The following ODF4 variants were observed in gnomAD, a reference collection of about 807,000 sequenced individuals.
The protein encoded by ODF4 is outer dense fiber of sperm tails 4, also known as outer dense fiber protein 4.
ODF4 carries 11 observed loss-of-function variants against 17.0 expected under a neutral mutation model. The observed-to-expected ratio is 0.65, with a 90% CI of 0.41 to 1.07. ODF4 has a LOEUF of 1.07. Ranked by LOEUF, ODF4 falls within the 50% of genes least tolerant of loss-of-function variation. ODF4 has a pLI of 0.00. For synonymous variants in ODF4, 127 were observed against 121.8 expected, an observed-to-expected ratio of 1.04 and a Z score of -0.28; for missense variants, 281 against 310.2, an observed-to-expected ratio of 0.91 and a Z score of 0.71.
Position 8,345,896 on chromosome 17 carries a change from C to A in ODF4, c.*44C>A. 1 of 1,514,912 alleles carries A rather than the reference C, an allele frequency of 6.6e-7. No homozygotes were observed. Among genetic ancestry groups the A allele is most frequent in the South Asian group, 1.1e-5 (1 of 87,906 alleles). 93.8% of individuals were successfully genotyped at this position (1,514,912 alleles called of 1,614,324 possible). A position where few individuals can be genotyped will look rare whatever the true frequency, so the allele number is the denominator to read the frequency against. On this transcript the variant is annotated 3_prime_UTR_variant, in exon 3 of 3. Transcript: ENST00000328248. The surrounding 1 kb of genome is among the most constrained non-coding windows in gnomAD (Gnocchi z 4.1). Reference sequence around the variant, plus strand: ...CACCAAGTTCTGTCCATTCATCTGACCCCATCTCCTCATCCTCCCCCAGCC... The same window carrying A: ...CACCAAGTTCTGTCCATTCATCTGAACCCATCTCCTCATCCTCCCCCAGCC...
chr17:8,345,071 G>GTTCCTTTTGT lies in ODF4; in HGVS notation c.455-270_455-269insCCTTTTGTTT, dbSNP rs915144642. Reference sequence around the variant, plus strand: ...CCTCCTAGCTCTGGAAAGGTCCTTTGTTTTCCTAACCCCCATCTTCCTGGG... The same window carrying GTTCCTTTTGT: ...CCTCCTAGCTCTGGAAAGGTCCTTTGTTCCTTTTGTTTTTCCTAACCCCCATCTTCCTGGG... On this transcript the variant is annotated intron_variant, in intron 1 of 2. Coordinates refer to ENST00000328248, the MANE Select transcript of ODF4 (RefSeq NM_153007.5). This position sits in a 1 kb window ranked among gnomAD's most constrained non-coding sequence, Gnocchi z 4.1. 4.8e-6 allele frequency: 5 copies of GTTCCTTTTGT among 1,044,896 alleles called. No homozygotes were observed. Among genetic ancestry groups the GTTCCTTTTGT allele is most frequent in the Non-Finnish European group, 6.1e-6 (5 of 817,350 alleles). The allele number at this position is 1,044,896 out of a possible 1,614,324, so 64.7% of individuals were successfully genotyped here.
chr17:8,345,196 T>C lies in ODF4; in HGVS notation c.455-147T>C. ...CATCATTTCTTGGTCACAGGAGAGG[T>C]AGAAATGCAGGGGTTGACTCCTGGA... On this transcript the variant is annotated intron_variant, in intron 1 of 2. Coordinates refer to ENST00000328248, the MANE Select transcript of ODF4 (RefSeq NM_153007.5). This position sits in a 1 kb window ranked among gnomAD's most constrained non-coding sequence, Gnocchi z 4.1. 1 of 826,784 alleles carries C rather than the reference T, an allele frequency of 1.2e-6. No individual in the cohort carries two copies. The highest frequency in any genetic ancestry group is 1.8e-5 in the South Asian group (1 of 55,628). 51.2% of individuals were successfully genotyped at this position (826,784 alleles called of 1,614,324 possible).
At position 8,340,249 on chromosome 17, in the gene ODF4, G is replaced by A; in HGVS notation, c.198G>A (p.Leu66=). Residue 66 remains leucine, a synonymous_variant, in exon 1 of 3, where the codon CTG becomes CTA. Transcript: ENST00000328248. The part of the protein sequence containing the change: ...RSLGQRQNSP[L]PFQWRITHSF... ...TGGGCCAGCGCCAGAACTCTCCGCT[G>A]CCCTTTCAATGGAGAATCACACACA... 2.5e-6 allele frequency: 4 copies of A among 1,614,130 alleles called. No individual in the cohort carries two copies. The highest frequency in any genetic ancestry group is 3.4e-6 in the Non-Finnish European group (4 of 1,179,998).
Position 8,340,390 on chromosome 17 carries a change from C to T in ODF4, c.339C>T (p.Tyr113=). The T allele has an allele frequency of 6.2e-7, 1 of 1,613,508 alleles. No homozygotes were observed. Among genetic ancestry groups the T allele is most frequent in the Non-Finnish European group, 8.5e-7 (1 of 1,179,548 alleles). ...KWLDLSRSLF[Y]QRWPVDVSNR... ...TGGACCTCTCTAGGAGCCTCTTCTA[C>T]CAGCGCTGGCCCGTGGATGTCAGCA... Residue 113 remains tyrosine (Y), a synonymous_variant, in exon 1 of 3, where the codon TAC becomes TAT. Transcript: ENST00000328248.
rs2151658512 is a variant in ODF4 at position 8,345,347 on chromosome 17, C to T, written c.459C>T (p.Thr153=). 6.2e-7 allele frequency: 1 copy of T among 1,613,548 alleles called. No homozygotes were observed. Among genetic ancestry groups the T allele is most frequent in the Non-Finnish European group, 8.5e-7 (1 of 1,179,596 alleles). ...CCTCTGCCTCCTGTCTCCTAGTCAC[C>T]TTCATCTTCTCCACCCTCATGCTAT... ...SCSDLENGKV[T]FIFSTLMLFP... is the part of the protein sequence containing the mutation. Residue 153 remains threonine, a synonymous_variant, in exon 2 of 3, where the codon ACC becomes ACT. Transcript: ENST00000328248. The surrounding 1 kb of genome is among the most constrained non-coding windows in gnomAD (Gnocchi z 4.1).
At position 8,345,759 on chromosome 17, in the gene ODF4, A is replaced by G; in HGVS notation, c.681A>G (p.Ser227=). 6.2e-7 allele frequency: 1 copy of G among 1,614,170 alleles called. No individual in the cohort carries two copies. Among genetic ancestry groups the G allele is most frequent in the South Asian group, 1.1e-5 (1 of 91,086 alleles). ...TGTCCTGCAGCAGCAGTTTCGGCTC[A>G]GTAGAAGAATCTCCAAGGGCACAGA... The part of the protein sequence containing the change: ...GAVSCSSSFG[S]VEESPRAQTI... The change falls in exon 3 of 3, where the codon TCA becomes TCG. Residue 227 remains serine, a synonymous_variant. Coordinates refer to ENST00000328248, the MANE Select transcript of ODF4 (RefSeq NM_153007.5). The surrounding 1 kb of genome is among the most constrained non-coding windows in gnomAD (Gnocchi z 4.1).
chr17:8,345,287 G>T lies in ODF4; in HGVS notation c.455-56G>T. On this transcript the variant is annotated intron_variant, in intron 1 of 2. Coordinates refer to ENST00000328248, the MANE Select transcript of ODF4 (RefSeq NM_153007.5). The surrounding 1 kb of genome is among the most constrained non-coding windows in gnomAD (Gnocchi z 4.1). ...TGGCTGTAGCCTAGCAGATGAGGAA[G>T]AACCTCCTGTGGGACTCTTGTATGA... 1.3e-6 allele frequency: 2 copies of T among 1,539,118 alleles called. No homozygotes were observed.
In ODF4 at chr17:8,345,113, T is replaced by C; in HGVS notation, c.455-230T>C. 1 of 838,012 alleles carries C rather than the reference T, an allele frequency of 1.2e-6. No individual in the cohort carries two copies. The highest frequency in any genetic ancestry group is 2.3e-5 in the South Asian group (1 of 42,786). 51.9% of individuals were successfully genotyped at this position (838,012 alleles called of 1,614,324 possible). A position where few individuals can be genotyped will look rare whatever the true frequency, so the allele number is the denominator to read the frequency against. On this transcript the variant is annotated intron_variant, in intron 1 of 2. Coordinates refer to ENST00000328248, the MANE Select transcript of ODF4 (RefSeq NM_153007.5). This position sits in a 1 kb window ranked among gnomAD's most constrained non-coding sequence, Gnocchi z 4.1. ...CTTCCTGGGCACTTCTCCCTCTTCT[T>C]TGGGGGTGGTATGAGGGTTTTGTGG... is the stretch of plus-strand genomic sequence containing the variant.
rs758538273 is a variant in ODF4 at position 8,345,754 on chromosome 17, G to A, written c.676G>A (p.Gly226Ser). 41 of 1,613,912 alleles carry A rather than the reference G, an allele frequency of 2.5e-5. No homozygotes were observed. The Admixed American group carries it at 3.5e-4, about 14-fold the overall frequency. ...TGCCGTGTCCTGCAGCAGCAGTTTC[G>A]GCTCAGTAGAAGAATCTCCAAGGGC... The part of the protein sequence containing the change: ...SGAVSCSSSF[G>S]SVEESPRAQT... The change falls in exon 3 of 3, where the codon GGC (glycine) becomes AGC (serine). Residue 226 changes from glycine to serine, a missense_variant. By Grantham distance (56) the Gly-to-Ser change is moderately conservative. Coordinates refer to ENST00000328248, the MANE Select transcript of ODF4 (RefSeq NM_153007.5). This position sits in a 1 kb window ranked among gnomAD's most constrained non-coding sequence, Gnocchi z 4.1.
Position 8,345,478 on chromosome 17 carries a change from G to C in ODF4, c.589+1G>C. 2.5e-6 allele frequency: 4 copies of C among 1,613,908 alleles called. No homozygotes were observed. The highest frequency in any genetic ancestry group is 3.4e-6 in the Non-Finnish European group (4 of 1,179,866). ...GTGCTTATCCTATACTTCACCTGCG[G>C]TGAGTGGCCAGAGGGCCCTGGGGGA... is the stretch of plus-strand genomic sequence containing the variant. On this transcript the variant is annotated splice_donor_variant, in intron 2 of 2. Transcript: ENST00000328248. LOFTEE classifies it high-confidence loss of function. The surrounding 1 kb of genome is among the most constrained non-coding windows in gnomAD (Gnocchi z 4.1).
Position 8,340,087 on chromosome 17 carries a change from G to T in ODF4, c.36G>T (p.Arg12Ser). ...AGTACTCTGGGAATGAGTTCCCCAG[G>T]TCAGAAGGAGAAAGAGACCAACATC... The part of the protein sequence containing the change: ...DAEYSGNEFP[R>S]SEGERDQHQR... The change falls in exon 1 of 3, where the codon AGG (arginine) becomes AGT (serine). Residue 12 changes from arginine to serine, a missense_variant. Transcript: ENST00000328248. The T allele has an allele frequency of 6.5e-7, 1 of 1,530,414 alleles. No individual in the cohort carries two copies. Among genetic ancestry groups the T allele is most frequent in the Middle Eastern group, 1.8e-4 (1 of 5,634 alleles). 94.8% of individuals were successfully genotyped at this position (1,530,414 alleles called of 1,614,324 possible).
chr17:8,344,925 T>C, intron 1 of ODF4: 3 of 1,000,790 alleles, frequency 3.0e-6, no homozygotes, highest in Non-Finnish European at 3.6e-6. Context: ...TAAGTTAAGC[T>C]TCAACCTGAC....
rs1906212251 is a variant in ODF4, at chr17:8,345,605, C to A, written c.590-63C>A. On this transcript the variant is annotated intron_variant, in intron 2 of 2. Transcript: ENST00000328248. This position sits in a 1 kb window ranked among gnomAD's most constrained non-coding sequence, Gnocchi z 4.1. ...GGGTCTTATCTTCCCTTTGGTCTCA[C>A]CCTACTTGTCACTTAACCTCCCAGT... 6.5e-7 allele frequency: 1 copy of A among 1,543,826 alleles called. No homozygotes were observed. The highest frequency in any genetic ancestry group is 8.9e-7 in the Non-Finnish European group (1 of 1,121,620).
At position 8,345,889 on chromosome 17, in the gene ODF4, C is replaced by T. The variant is rs1407042814; in HGVS notation, c.*37C>T. 21 of 1,528,226 alleles carry T rather than the reference C, an allele frequency of 1.4e-5. No homozygotes were observed. Among genetic ancestry groups the T allele is most frequent in the Non-Finnish European group, 1.8e-5 (20 of 1,105,804 alleles). 94.7% of individuals were successfully genotyped at this position (1,528,226 alleles called of 1,614,324 possible). ...CTCCTGGCACCAAGTTCTGTCCATT[C>T]ATCTGACCCCATCTCCTCATCCTCC... On this transcript the variant is annotated 3_prime_UTR_variant, in exon 3 of 3. Transcript: ENST00000328248. The surrounding 1 kb of genome is among the most constrained non-coding windows in gnomAD (Gnocchi z 4.1).
rs111377444 is a variant in ODF4, at chr17:8,345,526, G to C, written c.589+49G>C. On this transcript the variant is annotated intron_variant, in intron 2 of 2. Coordinates refer to ENST00000328248, the MANE Select transcript of ODF4 (RefSeq NM_153007.5). The surrounding 1 kb of genome is among the most constrained non-coding windows in gnomAD (Gnocchi z 4.1). Reference sequence around the variant, plus strand: ...GGAAGGAAGCGACATGGGTAGGGTAGGGCAGGGAAAGTGTGGAGGGAAGAG... The same window carrying C: ...GGAAGGAAGCGACATGGGTAGGGTACGGCAGGGAAAGTGTGGAGGGAAGAG... The C allele has an allele frequency of 1.8e-5, 29 of 1,601,820 alleles. No individual in the cohort carries two copies. The highest frequency in any genetic ancestry group is 2.2e-5 in the Non-Finnish European group (26 of 1,172,146).
chr17:8,345,023 C>A lies in ODF4; in HGVS notation c.455-320C>A. ...AATTGCCCTTTGTGGGCTTCGGGAC[C>A]ATCTTGAGCTTCTGTGAAGGTGCCT... On this transcript the variant is annotated intron_variant, in intron 1 of 2. Coordinates refer to ENST00000328248, the MANE Select transcript of ODF4 (RefSeq NM_153007.5). The surrounding 1 kb of genome is among the most constrained non-coding windows in gnomAD (Gnocchi z 4.1). 2 of 1,009,816 alleles carry A rather than the reference C, an allele frequency of 2.0e-6. No individual in the cohort carries two copies. Among genetic ancestry groups the A allele is most frequent in the Non-Finnish European group, 1.2e-6 (1 of 826,526 alleles). 62.6% of individuals were successfully genotyped at this position (1,009,816 alleles called of 1,614,324 possible). A position where few individuals can be genotyped will look rare whatever the true frequency, so the allele number is the denominator to read the frequency against.
At chr17:8,340,657 C>A (rs755297018) in intron 1 of ODF4, 152 bp downstream of exon 1, 5 of 603,734 alleles carry the variant, frequency 8.3e-6, no homozygotes, top group Non-Finnish European at 5.9e-6. Context: ...CTCCGATGAT[C>A]GTTTCTCATC....
At position 8,345,245 on chromosome 17, in the gene ODF4, T is replaced by G. The variant is rs1204262530; in HGVS notation, c.455-98T>G. 42 of 1,118,660 alleles carry G rather than the reference T, an allele frequency of 3.8e-5. No individual in the cohort carries two copies. In the Admixed American group the frequency reaches 8.2e-4, roughly 22 times the overall value. The allele number at this position is 1,118,660 out of a possible 1,614,324, so 69.3% of individuals were successfully genotyped here. A position where few individuals can be genotyped will look rare whatever the true frequency, so the allele number is the denominator to read the frequency against. The stretch of plus-strand genomic sequence containing the variant: ...GAACCTCAGGGCCAGTCACTCTGTG[T>G]GTGGTGATGTGGTTTGTGGCTGTAG... On this transcript the variant is annotated intron_variant, in intron 1 of 2. Transcript: ENST00000328248. The surrounding 1 kb of genome is among the most constrained non-coding windows in gnomAD (Gnocchi z 4.1).
rs748225608 is a variant in ODF4 at position 8,339,879 on chromosome 17, C to A, written c.-173C>A. 2.3e-6 allele frequency: 1 copy of A among 436,066 alleles called. No homozygotes were observed. The highest frequency in any genetic ancestry group is 4.0e-5 in the Admixed American group (1 of 25,094). The allele number at this position is 436,066 out of a possible 1,614,324, so 27.0% of individuals were successfully genotyped here. Reference sequence around the variant, plus strand: ...ACCTGGCCTGCTGAATGGGTTGGGGCCTTCTCTTGGATCAAGAGTCTCTTA... The same window carrying A: ...ACCTGGCCTGCTGAATGGGTTGGGGACTTCTCTTGGATCAAGAGTCTCTTA... On this transcript the variant is annotated 5_prime_UTR_variant, in exon 1 of 3. Coordinates refer to ENST00000328248, the MANE Select transcript of ODF4 (RefSeq NM_153007.5).
Sources: gnomAD v4.1 joint callset for allele counts on GRCh38, gnomAD v4.1.1 for gene constraint, Gnocchi (gnomAD v3.1) non-coding constraint, MANE v1.5 for transcripts, NCBI Gene and HGNC (gene_info 2026-07-23, HGNC 2026-07-21) for gene names.